PLCB1: variants seen among roughly 807,000 people sequenced by gnomAD.
PLCB1 encodes phospholipase C beta 1, also known as 1-phosphatidylinositol 4,5-bisphosphate phosphodiesterase beta-1.
In PLCB1, 46 loss-of-function variants were observed where a neutral mutation model predicts 161.8. The ratio of observed to expected loss-of-function variants is 0.28; its 90% CI spans 0.22 to 0.36. The LOEUF (loss-of-function observed/expected upper bound fraction) is 0.36, where lower values mean the gene tolerates loss of function less well. Among genes scored for constraint, PLCB1 ranks in the 10% least tolerant of loss-of-function variants. The pLI is 1.00. For missense variants in PLCB1, 1,016 were observed against 1,472.5 expected (o/e 0.69, Z 5.07); for synonymous variants, 517 against 503.7 (o/e 1.03, Z -0.35).
intron 2 of PLCB1, among the ~76,000 whole-genome samples, chr20:8,255,508 A>G (rs1981365705): frequency 6.6e-6 from 1 of 152,046 alleles, no homozygotes; most frequent in Non-Finnish European, 1.5e-5. Context: ...TTAAGGTATG[A>G]TACAAAATGT....
At chr20:8,657,052 AAG>A (rs1298807717) in intron 7 of PLCB1, 130 bp from the exon 8 acceptor site, 6 of 625,540 alleles carry the variant, frequency 9.6e-6, no homozygotes, top group South Asian at 1.9e-5. Flanking sequence ...AAAGAAAGGA[AAG>A]AGAGAGGGAG....
intron 2 of PLCB1, among the ~76,000 whole-genome samples, chr20:8,296,790 A>G (rs898329260): frequency 6.6e-6 from 1 of 152,154 alleles, no homozygotes; most frequent in Non-Finnish European, 1.5e-5. Context: ...TAAAGTGTGG[A>G]GCAGACCTAG....
intron 10 of PLCB1, 84 bp downstream of exon 10, chr20:8,685,162 G>T: frequency 7.4e-7 from 1 of 1,345,380 alleles, no homozygotes; most frequent in Non-Finnish European, 1.1e-6. Context: ...GGAAGCTGAA[G>T]TGTGTTTTCT....
intron 3 of PLCB1, among the ~76,000 whole-genome samples, chr20:8,557,029 T>A (rs1423928197): frequency 3.5e-5 from 5 of 141,788 alleles, no homozygotes; most frequent in African/African-American, 5.4e-5. Flanking sequence ...ATAAAAAAAA[T>A]AATAAAAATG....
At chr20:8,834,899 G>A (rs1180506865) in intron 31 of PLCB1, among the ~76,000 whole-genome samples, 3 of 150,268 alleles carry the variant, frequency 2.0e-5, no homozygotes, top group African/African-American at 7.3e-5. Flanking sequence ...TCAGGCAGGA[G>A]AATTCTTTCT....
At chr20:8,433,326 G>A (rs1043946598) in intron 3 of PLCB1, among the ~76,000 whole-genome samples, 4 of 151,240 alleles carry the variant, frequency 2.6e-5, no homozygotes, top group Non-Finnish European at 5.9e-5. Flanking sequence ...AACAAGAAAG[G>A]ATTCTAGAAA....
chr20:8,310,322 C>T (rs996488755), intron 2 of PLCB1, among the ~76,000 whole-genome samples: 3 of 152,160 alleles, frequency 2.0e-5, no homozygotes, highest in African/African-American at 7.2e-5. Context: ...CCAATGAATA[C>T]TACTTAGCAA....
chr20:8,843,309 C>T (rs916442821), intron 31 of PLCB1, among the ~76,000 whole-genome samples: 5 of 152,160 alleles, frequency 3.3e-5, no homozygotes, highest in African/African-American at 4.8e-5. Flanking sequence ...AATATCTACA[C>T]TATAAATAAT....
intron 3 of PLCB1, among the ~76,000 whole-genome samples, chr20:8,623,013 C>G (rs1313662473): frequency 6.6e-6 from 1 of 152,186 alleles, no homozygotes; most frequent in Non-Finnish European, 1.5e-5. Context: ...TACTTTATTT[C>G]AATCCCATTT....
intron 3 of PLCB1, among the ~76,000 whole-genome samples, chr20:8,474,084 C>T (rs953326405): frequency 2.0e-5 from 3 of 152,138 alleles, no homozygotes; most frequent in South Asian, 2.1e-4. Flanking sequence ...GCATCCAGTT[C>T]GTTCCCATGC....
chr20:8,288,013 A>T (rs1015712549), intron 2 of PLCB1, among the ~76,000 whole-genome samples: 8 of 152,200 alleles, frequency 5.3e-5, no homozygotes, highest in African/African-American at 1.9e-4. Flanking sequence ...CAAGCACTTG[A>T]CATGTGCTAA....
intron 2 of PLCB1, among the ~76,000 whole-genome samples, chr20:8,246,874 C>G (rs1391724922): frequency 6.6e-6 from 1 of 151,746 alleles, no homozygotes; most frequent in Non-Finnish European, 1.5e-5. Context: ...CTGAATCTTT[C>G]CACTCTTTAG....
chr20:8,341,215 C>T (rs2662977), intron 2 of PLCB1, among the ~76,000 whole-genome samples: 1 of 152,274 alleles, frequency 6.6e-6, no homozygotes, highest in African/African-American at 2.4e-5. Flanking sequence ...ACTACTCATT[C>T]CATGACTTTG....
At chr20:8,352,158 G>A (rs1043695511) in intron 2 of PLCB1, among the ~76,000 whole-genome samples, 1 of 152,104 alleles carries the variant, frequency 6.6e-6, no homozygotes, top group Non-Finnish European at 1.5e-5. Flanking sequence ...TGATAAAAAG[G>A]AATTAGCTTT....
intron 2 of PLCB1, among the ~76,000 whole-genome samples, chr20:8,290,147 A>C (rs7266628): frequency 3.9e-5 from 6 of 152,176 alleles, no homozygotes; most frequent in Non-Finnish European, 7.4e-5. Flanking sequence ...CTTGGCTTTT[A>C]TTTGATAGGT....
At chr20:8,830,250 G>T (rs142103329) in intron 31 of PLCB1, among the ~76,000 whole-genome samples, 2 of 152,310 alleles carry the variant, frequency 1.3e-5, no homozygotes, top group Admixed American at 1.3e-4. Context: ...TCAGAAAGAA[G>T]TCCATTCCAA....
intron 9 of PLCB1, among the ~76,000 whole-genome samples, chr20:8,679,586 A>C (rs1990166233): frequency 6.6e-6 from 1 of 152,232 alleles, no homozygotes; most frequent in Non-Finnish European, 1.5e-5. Context: ...TCATTACGTC[A>C]TAGCAGAATT....
intron 1 of PLCB1, among the ~76,000 whole-genome samples, chr20:8,133,119 C>T (rs2051309752): frequency 6.6e-6 from 1 of 152,124 alleles, no homozygotes; most frequent in Non-Finnish European, 1.5e-5. Flanking sequence ...GTGAACAAAT[C>T]GCGTCCCTCT....
chr20:8,705,453 A>T (rs1010126118), intron 11 of PLCB1, among the ~76,000 whole-genome samples: 51 of 152,238 alleles, frequency 3.4e-4, no homozygotes, highest in African/African-American at 1.2e-3. Flanking sequence ...TACCTCAAGA[A>T]GTTTACACTG....
Sources: gnomAD v4.1 joint callset for allele counts (sites outside exome capture counted in the v4.1 genomes callset) on GRCh38, gnomAD v4.1.1 for gene constraint, MANE v1.5 for transcripts, NCBI Gene and HGNC (gene_info 2026-07-23, HGNC 2026-07-21) for gene names.